CDC42BPG: variants seen among roughly 807,000 people sequenced by gnomAD.
The protein encoded by CDC42BPG is serine/threonine-protein kinase MRCK gamma.
Under a neutral mutation model 192.2 loss-of-function variants are expected in CDC42BPG, and 157 were observed. The observed-to-expected ratio is 0.82, with a 90% CI of 0.72 to 0.93. The LOEUF is 0.93. Ranked by LOEUF, CDC42BPG falls within the 40% of genes least tolerant of loss-of-function variation. CDC42BPG has a pLI of 0.00. For missense variants in CDC42BPG, 1,992 were observed against 2,122.1 expected (o/e 0.94, Z 1.20); for synonymous variants, 981 against 918.5 (o/e 1.07, Z -1.23).
intron 36 of CDC42BPG, 67 bp downstream of exon 36, chr11:64,826,403 G>A: frequency 9.1e-7 from 1 of 1,099,694 alleles, no homozygotes; most frequent in South Asian, 1.3e-5. Context: ...ACTGTGCAAG[G>A]CCTAGCATAA....
intron 20 of CDC42BPG, 106 bp downstream of exon 20, chr11:64,834,160 C>T: frequency 7.2e-7 from 1 of 1,395,362 alleles, no homozygotes; most frequent in Non-Finnish European, 9.8e-7. Context: ...AGTCCAGGAA[C>T]AGACTCCTGT....
chr11:64,824,370 C>T lies in CDC42BPG; in HGVS notation c.*103G>A, dbSNP rs1423339678. ...GCCCAGCCCGGGTCCTCCCTGAGTCCGAATTTCCATGTCCCGGACCAGCCG... is the reference window on the plus strand; with the variant it reads ...GCCCAGCCCGGGTCCTCCCTGAGTCTGAATTTCCATGTCCCGGACCAGCCG... On this transcript the variant is annotated 3_prime_UTR_variant, in exon 37 of 37. Coordinates refer to ENST00000342711, the MANE Select transcript of CDC42BPG (RefSeq NM_017525.3). 1.5e-5 allele frequency: 14 copies of T among 911,278 alleles called. No homozygotes were observed. Among genetic ancestry groups the T allele is most frequent in the Middle Eastern group, 2.8e-4 (1 of 3,616 alleles). The allele number at this position is 911,278 out of a possible 1,614,324, so 56.4% of individuals were successfully genotyped here. A position where few individuals can be genotyped will look rare whatever the true frequency, so the allele number is the denominator to read the frequency against.
At chr11:64,828,869 G>A (rs1229321256) in intron 30 of CDC42BPG, among the ~76,000 whole-genome samples, 1 of 152,184 alleles carries the variant, frequency 6.6e-6, no homozygotes, top group Non-Finnish European at 1.5e-5. Flanking sequence ...GGCCAACATG[G>A]TGAAACCCCG....
Position 64,836,725 on chromosome 11 carries a change from G to GGGGC in CDC42BPG, c.1384+13_1384+14insGCCC. Reference sequence around the variant, plus strand: ...CAGCCCTGGGGGGGGGGGGGGGGTGGGCGGAAGGGATACCTGGCAGCCTGT... The same window carrying GGGGC: ...CAGCCCTGGGGGGGGGGGGGGGGTGGGGGCGCGGAAGGGATACCTGGCAGCCTGT... On this transcript the variant is annotated intron_variant, in intron 11 of 36. Transcript: ENST00000342711. The GGGGC allele has an allele frequency of 1.0e-6, 1 of 956,874 alleles. No individual in the cohort carries two copies. Among genetic ancestry groups the GGGGC allele is most frequent in the Non-Finnish European group, 1.5e-6 (1 of 670,296 alleles). 59.3% of individuals were successfully genotyped at this position (956,874 alleles called of 1,614,324 possible).
At chr11:64,838,008 G>T in intron 9 of CDC42BPG, 75 bp downstream of exon 9, 1 of 1,278,868 alleles carries the variant, frequency 7.8e-7, no homozygotes, top group Non-Finnish European at 1.1e-6. Context: ...CAGGGCCCCA[G>T]TGGGCTACGC....
In CDC42BPG at chr11:64,829,877, G is replaced by A. The variant is rs766262184; in HGVS notation, c.3561C>T (p.Ile1187=). Residue 1187 remains isoleucine (I), a synonymous_variant, in exon 30 of 37, where the codon ATC becomes ATT. Coordinates refer to ENST00000342711, the MANE Select transcript of CDC42BPG (RefSeq NM_017525.3). ...RGCQVLAAGS[I]LQARTPVLCV... Reference sequence around the variant, plus strand: ...AGAGCACCGGGGTGCGGGCCTGCAGGATGCTTCCAGCTGCCAGCACCTGGC... The same window carrying A: ...AGAGCACCGGGGTGCGGGCCTGCAGAATGCTTCCAGCTGCCAGCACCTGGC... The A allele has an allele frequency of 6.2e-6, 10 of 1,608,556 alleles. No individual in the cohort carries two copies. Among genetic ancestry groups the A allele is most frequent in the African/African-American group, 1.3e-5 (1 of 74,642 alleles).
intron 1 of CDC42BPG, among the ~76,000 whole-genome samples, chr11:64,843,251 C>A (rs888003464): frequency 4.6e-5 from 7 of 152,034 alleles, no homozygotes; most frequent in Admixed American, 3.3e-4. Flanking sequence ...AACAGAGGGC[C>A]CCCATGCCGG....
chr11:64,826,464 G>T lies in CDC42BPG; in HGVS notation c.4599+6C>A, dbSNP rs370668615. On this transcript the variant is annotated splice_donor_region_variant and intron_variant, in intron 36 of 36. Coordinates refer to ENST00000342711, the MANE Select transcript of CDC42BPG (RefSeq NM_017525.3). ...GGGGACGGACAAGCCTCCCGGACCC[G>T]CTCACCTGCATTAGGGAGGTTGCAG... 4.4e-6 allele frequency: 7 copies of T among 1,586,446 alleles called. No individual in the cohort carries two copies. The highest frequency in any genetic ancestry group is 6.0e-6 in the Non-Finnish European group (7 of 1,164,658).
Position 64,833,313 on chromosome 11 carries a change from G to A in CDC42BPG, c.2649C>T (p.Pro883=), listed in dbSNP as rs935441838. The A allele has an allele frequency of 3.3e-6, 5 of 1,536,748 alleles. No homozygotes were observed. Among genetic ancestry groups the A allele is most frequent in the Non-Finnish European group, 4.4e-6 (5 of 1,140,720 alleles). ...ACTTGGTCGGGGATGGGAAGCTCCGGGGGCGCAGCGTGTGTGAGCCGGGCT... is the reference window on the plus strand; with the variant it reads ...ACTTGGTCGGGGATGGGAAGCTCCGAGGGCGCAGCGTGTGTGAGCCGGGCT... ...PAKPGSHTLR[P]RSFPSPTKCL... Residue 883 remains proline (P), a synonymous_variant, in exon 24 of 37, where the codon CCC becomes CCT. Transcript: ENST00000342711.
At position 64,841,802 on chromosome 11, in the gene CDC42BPG, C is replaced by A. The variant is rs1367449814; in HGVS notation, c.252+11G>T. 1.9e-6 allele frequency: 3 copies of A among 1,613,820 alleles called. No homozygotes were observed. The highest frequency in any genetic ancestry group is 2.5e-6 in the Non-Finnish European group (3 of 1,179,824). ...ACACCTCCCCCCACCTACCCCAGGC[C>A]CTTTGCTCACCTCCCCAAAGGCTCC... On this transcript the variant is annotated intron_variant, in intron 2 of 36. Coordinates refer to ENST00000342711, the MANE Select transcript of CDC42BPG (RefSeq NM_017525.3).
intron 16 of CDC42BPG, 63 bp downstream of exon 16, chr11:64,835,284 C>A: frequency 6.2e-7 from 1 of 1,611,380 alleles, no homozygotes; most frequent in Admixed American, 1.7e-5. Context: ...TTGCCCACCC[C>A]TCAACTGGCT....
rs201371771 is a variant in CDC42BPG at position 64,831,578 on chromosome 11, G to A, written c.3231C>T (p.Pro1077=). 11 of 1,612,440 alleles carry A rather than the reference G, an allele frequency of 6.8e-6. No individual in the cohort carries two copies. The South Asian group carries it at 9.9e-5, about 14-fold the overall frequency. Residue 1077 remains proline, a synonymous_variant, in exon 28 of 37, where the codon CCC becomes CCT. Coordinates refer to ENST00000342711, the MANE Select transcript of CDC42BPG (RefSeq NM_017525.3). ...LLLDARPRPR[P]VYTLKEAYDN... is the part of the protein sequence containing the mutation. ...CGTAAGCCTCCTTGAGTGTGTACAC[G>A]GGCCGGGGTCTTGGCCGCGCGTCCA...
chr11:64,839,992 G>A (rs557559007), intron 5 of CDC42BPG, 128 bp downstream of exon 5: 14 of 940,550 alleles, frequency 1.5e-5, no homozygotes, highest in East Asian at 7.9e-5. Context: ...GGAAGCACAC[G>A]GATGAGGCAC....
In CDC42BPG at chr11:64,838,809, C is replaced by G; in HGVS notation, c.970G>C (p.Gly324Arg). Residue 324 changes from glycine to arginine, a missense_variant, in exon 8 of 37, where the codon GGC becomes CGC. Physicochemically the swap from Gly to Arg is moderately radical, Grantham distance 125. Around this residue, in one of 2 missense-constraint regions of CDC42BPG, gnomAD observed 1,656 missense variants for 1,844.3 expected, o/e 0.90. Coordinates refer to ENST00000342711, the MANE Select transcript of CDC42BPG (RefSeq NM_017525.3). ...QLLCRQEERL[G>R]RGGLDDFRNH... is the part of the protein sequence containing the mutation. ...CGGAAGTCATCCAGCCCACCACGGC[C>G]TAGCCGCTCTTCCTGGCGACACAGC... The G allele has an allele frequency of 6.2e-7, 1 of 1,612,414 alleles. No homozygotes were observed. The highest frequency in any genetic ancestry group is 8.5e-7 in the Non-Finnish European group (1 of 1,179,992).
Position 64,827,185 on chromosome 11 carries a change from A to T in CDC42BPG, c.4272-18T>A. ...GCATCTCCCTGTGGGCGGAGGTGTAAGTAGTGGGTGGCGAAGCTCCACCCT... is the reference window on the plus strand; with the variant it reads ...GCATCTCCCTGTGGGCGGAGGTGTATGTAGTGGGTGGCGAAGCTCCACCCT... On this transcript the variant is annotated intron_variant, in intron 33 of 36. Transcript: ENST00000342711. 1.9e-6 allele frequency: 3 copies of T among 1,613,616 alleles called. No homozygotes were observed. The highest frequency in any genetic ancestry group is 2.5e-6 in the Non-Finnish European group (3 of 1,179,574).
Position 64,844,420 on chromosome 11 carries a change from G to T in CDC42BPG, c.150C>A (p.Phe50Leu). 1 of 1,467,014 alleles carries T rather than the reference G, an allele frequency of 6.8e-7. No individual in the cohort carries two copies. Among genetic ancestry groups the T allele is most frequent in the South Asian group, 1.3e-5 (1 of 75,910 alleles). The allele number at this position is 1,467,014 out of a possible 1,614,324, so 90.9% of individuals were successfully genotyped here. A position where few individuals can be genotyped will look rare whatever the true frequency, so the allele number is the denominator to read the frequency against. ...CGCCCCGCCACTCACCCCAGCTCAG[G>T]AACTGCGCCACGCTGCGCTCCCGCC... ...PLRRERSVAQ[F>L]LSWASPFVSK... Residue 50 changes from phenylalanine (F) to leucine (L), a missense_variant, in exon 1 of 37, where the codon TTC (phenylalanine) becomes TTA (leucine). Physicochemically the swap from Phe to Leu is conservative, Grantham distance 22. This residue lies in a region of CDC42BPG where 1,656 missense variants were observed against 1,844.3 expected (regional missense o/e 0.90). Coordinates refer to ENST00000342711, the MANE Select transcript of CDC42BPG (RefSeq NM_017525.3).
At chr11:64,834,635 C>A (rs1477993440) in intron 18 of CDC42BPG, 58 bp from the exon 19 acceptor site, 8 of 1,477,408 alleles carry the variant, frequency 5.4e-6, no homozygotes, top group African/African-American at 1.4e-5. Context: ...CCTCAGGGAC[C>A]CCCTGCTACC....
chr11:64,831,426 GT>G (rs765701565), intron 28 of CDC42BPG, 78 bp downstream of exon 28: 20 of 1,314,316 alleles, frequency 1.5e-5, no homozygotes, highest in Non-Finnish European at 2.1e-5. Context: ...GGCAGTAGCA[GT>G]GGCCCTTGGG....
rs572313444 is a variant in CDC42BPG at position 64,833,295 on chromosome 11, C to T, written c.2667G>A (p.Pro889=). The change falls in exon 24 of 37, where the codon CCG becomes CCA. Residue 889 remains proline, a synonymous_variant. Transcript: ENST00000342711. ...HTLRPRSFPS[P]TKCLRCTSLM... is the part of the protein sequence containing the mutation. ...GCGAGGTGCAGCGGAGACACTTGGT[C>T]GGGGATGGGAAGCTCCGGGGGCGCA... 2.2e-5 allele frequency: 34 copies of T among 1,544,678 alleles called. No individual in the cohort carries two copies. Among genetic ancestry groups the T allele is most frequent in the African/African-American group, 1.8e-4 (13 of 73,010 alleles).
Sources: allele counts gnomAD v4.1 joint callset (sites outside exome capture counted in the v4.1 genomes callset), GRCh38; gene constraint gnomAD v4.1.1; regional missense constraint gnomAD v4.1.1; transcripts MANE v1.5; gene names NCBI Gene and HGNC (gene_info 2026-07-23, HGNC 2026-07-21).